The following C9orf40 variants were observed in gnomAD, a reference collection of about 807,000 sequenced individuals.
C9orf40 encodes uncharacterized protein C9orf40.
In C9orf40, 2 loss-of-function variants were observed where a neutral mutation model predicts 7.9. The observed-to-expected ratio is 0.25, with a 90% CI of 0.10 to 0.80. The LOEUF (loss-of-function observed/expected upper bound fraction) is 0.80. Ranked by LOEUF, C9orf40 falls within the 30% of genes least tolerant of loss-of-function variation. C9orf40 has a pLI of 0.68. For synonymous variants in C9orf40, 113 were observed against 117.6 expected, an observed-to-expected ratio of 0.96 and a Z score of 0.25; for missense variants, 256 against 268.5, an observed-to-expected ratio of 0.95 and a Z score of 0.33.
rs1425326156 is a variant in C9orf40, at chr9:74,952,404, G to A, written c.208C>T (p.Pro70Ser). 1.9e-6 allele frequency: 3 copies of A among 1,584,628 alleles called. No homozygotes were observed. The highest frequency in any genetic ancestry group is 1.8e-4 in the Middle Eastern group (1 of 5,644). Residue 70 changes from proline to serine, a missense_variant, in exon 1 of 2, where the codon CCC becomes TCC. Coordinates refer to ENST00000376854, the MANE Select transcript of C9orf40 (RefSeq NM_017998.3). The surrounding 1 kb of genome is among the most constrained non-coding windows in gnomAD (Gnocchi z 5.4). ...TCCCCGCTGTCACGGCGCTTGCTGGGCGAAGCCGAGGGCTCTGCCATGGTC... is the reference window on the plus strand; with the variant it reads ...TCCCCGCTGTCACGGCGCTTGCTGGACGAAGCCGAGGGCTCTGCCATGGTC... ...AGTMAEPSAS[P>S]SKRRDSGDNS...
intron 1 of C9orf40, among the ~76,000 whole-genome samples, chr9:74,950,011 G>A (rs1003718573): frequency 8.5e-5 from 13 of 152,248 alleles, no homozygotes; most frequent in South Asian, 2.1e-4. Flanking sequence ...GTCCAGCGTG[G>A]TGGTGTGCAC....
In C9orf40 at chr9:74,952,166, C is replaced by CCCCCCCCCCCCCCCCCCA; in HGVS notation, c.426+19_426+20insTGGGGGGGGGGGGGGGGG. 2.0e-5 allele frequency: 9 copies of CCCCCCCCCCCCCCCCCCA among 443,134 alleles called. No individual in the cohort carries two copies. The highest frequency in any genetic ancestry group is 4.1e-5 in the East Asian group (1 of 24,242). The allele number at this position is 443,134 out of a possible 1,614,324, so 27.5% of individuals were successfully genotyped here. On this transcript the variant is annotated intron_variant, in intron 1 of 1. Transcript: ENST00000376854. This position sits in a 1 kb window ranked among gnomAD's most constrained non-coding sequence, Gnocchi z 5.4. ...AGGCAAGCCCCTTCGCCCCTCAGCC[C>CCCCCCCCCCCCCCCCCCA]ACCCGCCCCCAGCCCCTACCTGGCG...
In C9orf40 at chr9:74,952,344, G is replaced by A. The variant is rs757281613; in HGVS notation, c.268C>T (p.His90Tyr). 2.6e-6 allele frequency: 4 copies of A among 1,521,416 alleles called. No homozygotes were observed. In the South Asian group the frequency reaches 4.9e-5, roughly 19 times the overall value. The allele number at this position is 1,521,416 out of a possible 1,614,324, so 94.2% of individuals were successfully genotyped here. Reference sequence around the variant, plus strand: ...GGCGGATCGCCTGTCTCCAGACCGTGGTCCTCACGCTCCTGGCCGCTCGGG... The same window carrying A: ...GGCGGATCGCCTGTCTCCAGACCGTAGTCCTCACGCTCCTGGCCGCTCGGG... ...SAPSGQERED[H>Y]GLETGDPPLP... is the part of the protein sequence containing the mutation. Residue 90 changes from histidine to tyrosine, a missense_variant, in exon 1 of 2, where the codon CAC becomes TAC. Coordinates refer to ENST00000376854, the MANE Select transcript of C9orf40 (RefSeq NM_017998.3). The surrounding 1 kb of genome is among the most constrained non-coding windows in gnomAD (Gnocchi z 5.4).
At position 74,952,484 on chromosome 9, in the gene C9orf40, G is replaced by A; in HGVS notation, c.128C>T (p.Ala43Val). 6.3e-7 allele frequency: 1 copy of A among 1,597,362 alleles called. No homozygotes were observed. Among genetic ancestry groups the A allele is most frequent in the East Asian group, 2.2e-5 (1 of 44,630 alleles). ...LWIRPPGVAHAGQLLGVPEQH... is the reference protein window; with the variant it reads ...LWIRPPGVAHVGQLLGVPEQH... ...CTCTGGGACGCCGAGGAGCTGCCCA[G>A]CATGCGCGACCCCGGGCGGCCGGAT... Residue 43 changes from alanine to valine, a missense_variant, in exon 1 of 2, where the codon GCT (alanine) becomes GTT (valine). By Grantham distance (64) the Ala-to-Val change is moderately conservative. Coordinates refer to ENST00000376854, the MANE Select transcript of C9orf40 (RefSeq NM_017998.3). The surrounding 1 kb of genome is among the most constrained non-coding windows in gnomAD (Gnocchi z 5.4).
At position 74,952,714 on chromosome 9, in the gene C9orf40, C is replaced by G; in HGVS notation, c.-103G>C. The G allele has an allele frequency of 8.9e-7, 1 of 1,121,420 alleles. No homozygotes were observed. Among genetic ancestry groups the G allele is most frequent in the Non-Finnish European group, 1.2e-6 (1 of 814,850 alleles). The allele number at this position is 1,121,420 out of a possible 1,614,324, so 69.5% of individuals were successfully genotyped here. A position where few individuals can be genotyped will look rare whatever the true frequency, so the allele number is the denominator to read the frequency against. On this transcript the variant is annotated 5_prime_UTR_variant, in exon 1 of 2. Coordinates refer to ENST00000376854, the MANE Select transcript of C9orf40 (RefSeq NM_017998.3). This position sits in a 1 kb window ranked among gnomAD's most constrained non-coding sequence, Gnocchi z 5.4. ...CTGAGCGCGTGAGAGAGGGACAGGC[C>G]GAAGTCGGGCGAGGAGGCGACAGGA...
In C9orf40 at chr9:74,952,835, G is replaced by C. The variant is rs945817629; in HGVS notation, c.-224C>G. The C allele has an allele frequency of 2.0e-6, 1 of 490,100 alleles. No homozygotes were observed. The highest frequency in any genetic ancestry group is 3.6e-6 in the Non-Finnish European group (1 of 279,816). The allele number at this position is 490,100 out of a possible 1,614,324, so 30.4% of individuals were successfully genotyped here. A position where few individuals can be genotyped will look rare whatever the true frequency, so the allele number is the denominator to read the frequency against. ...CGCGCTCAGCCCTCGCCGCCGCCGA[G>C]ATGCGGCCCGGACGTTGAGAAGCAA... On this transcript the variant is annotated 5_prime_UTR_variant, in exon 1 of 2. It adds an upstream start codon to the 5' untranslated region. Coordinates refer to ENST00000376854, the MANE Select transcript of C9orf40 (RefSeq NM_017998.3). This position sits in a 1 kb window ranked among gnomAD's most constrained non-coding sequence, Gnocchi z 5.4.
At chr9:74,950,673 A>G (rs1331513966) in intron 1 of C9orf40, among the ~76,000 whole-genome samples, 1 of 152,180 alleles carries the variant, frequency 6.6e-6, no homozygotes, top group Non-Finnish European at 1.5e-5. Context: ...GTCATGCCTA[A>G]GAAATTTCAT....
chr9:74,948,069 A>C lies in C9orf40; in HGVS notation c.564T>G (p.Ala188=). The change falls in exon 2 of 2, where the codon GCT becomes GCG. Residue 188 remains alanine, a synonymous_variant. Coordinates refer to ENST00000376854, the MANE Select transcript of C9orf40 (RefSeq NM_017998.3). Reference sequence around the variant, plus strand: ...TACATCAGGACTCCATGTCAACCTCAGCCCCTTCATTCCTGCCCTGAAGTG... The same window carrying C: ...TACATCAGGACTCCATGTCAACCTCCGCCCCTTCATTCCTGCCCTGAAGTG... The part of the protein sequence containing the change: ...EATLQGRNEG[A]EVDMES 1 of 1,613,970 alleles carries C rather than the reference A, an allele frequency of 6.2e-7. No individual in the cohort carries two copies. Among genetic ancestry groups the C allele is most frequent in the South Asian group, 1.1e-5 (1 of 91,072 alleles).
intron 1 of C9orf40, among the ~76,000 whole-genome samples, chr9:74,950,077 T>C (rs1355964863): frequency 2.6e-5 from 4 of 152,112 alleles, no homozygotes; most frequent in Non-Finnish European, 5.9e-5. Flanking sequence ...ATGGTGCCAC[T>C]GCACTCCAGC....
At position 74,948,022 on chromosome 9, in the gene C9orf40, C is replaced by T. The variant is rs753353619; in HGVS notation, c.*26G>A. The stretch of plus-strand genomic sequence containing the variant: ...CTTAGAGACATCTCCTCAAATCAGC[C>T]AATCCCACTGCTTCGGCTCCTTACA... On this transcript the variant is annotated 3_prime_UTR_variant, in exon 2 of 2. Transcript: ENST00000376854. 9 of 1,598,972 alleles carry T rather than the reference C, an allele frequency of 5.6e-6. No individual in the cohort carries two copies. Among genetic ancestry groups the T allele is most frequent in the Non-Finnish European group, 7.7e-6 (9 of 1,172,692 alleles).
At chr9:74,951,126 T>C (rs1416205187) in intron 1 of C9orf40, among the ~76,000 whole-genome samples, 2 of 152,158 alleles carry the variant, frequency 1.3e-5, no homozygotes, top group Non-Finnish European at 2.9e-5. Flanking sequence ...CAAGTGTTCT[T>C]ACCGGCTAGC....
At chr9:74,948,887 AACAC>A (rs1244590677) in intron 1 of C9orf40, among the ~76,000 whole-genome samples, 4 of 152,190 alleles carry the variant, frequency 2.6e-5, no homozygotes, top group African/African-American at 9.7e-5. Flanking sequence ...TATTGGGATA[AACAC>A]ACAATAAGTC....
chr9:74,952,511 CAG>C lies in C9orf40; in HGVS notation c.99_100del (p.Trp34AspfsTer41). The C allele has an allele frequency of 1.9e-6, 3 of 1,593,344 alleles. No individual in the cohort carries two copies. Among genetic ancestry groups the C allele is most frequent in the Non-Finnish European group, 2.5e-6 (3 of 1,177,686 alleles). On this transcript the variant is annotated frameshift_variant, in exon 1 of 2. Coordinates refer to ENST00000376854, the MANE Select transcript of C9orf40 (RefSeq NM_017998.3). LOFTEE classifies it high-confidence loss of function. This position sits in a 1 kb window ranked among gnomAD's most constrained non-coding sequence, Gnocchi z 5.4. ...ATGCGCGACCCCGGGCGGCCGGATC[CAG>C]AGAGGCGGTGGCGGCGGCTGCTCAG...
rs1832310090 is a variant in C9orf40 at position 74,952,247 on chromosome 9, C to T, written c.365G>A (p.Gly122Asp). The T allele has an allele frequency of 7.9e-7, 1 of 1,263,122 alleles. No individual in the cohort carries two copies. The highest frequency in any genetic ancestry group is 9.9e-7 in the Non-Finnish European group (1 of 1,008,394). 78.2% of individuals were successfully genotyped at this position (1,263,122 alleles called of 1,614,324 possible). The change falls in exon 1 of 2, where the codon GGC (glycine) becomes GAC (aspartate). Residue 122 changes from glycine (G) to aspartate (D), a missense_variant. By Grantham distance (94) the Gly-to-Asp change is moderately conservative. Transcript: ENST00000376854. The surrounding 1 kb of genome is among the most constrained non-coding windows in gnomAD (Gnocchi z 5.4). ...TCCTGCGCGCCCCGCCCCGTCGTCG[C>T]CACCGCCCCCCGGGAGCCGGGCGCC... ...LPGARLPGGG[G>D]DDGAGRAGPP...
chr9:74,952,402 G>T lies in C9orf40; in HGVS notation c.210C>A (p.Pro70=). 1.3e-6 allele frequency: 2 copies of T among 1,583,916 alleles called. No homozygotes were observed. The stretch of plus-strand genomic sequence containing the variant: ...TGTCCCCGCTGTCACGGCGCTTGCT[G>T]GGCGAAGCCGAGGGCTCTGCCATGG... ...AGTMAEPSAS[P]SKRRDSGDNS... is the part of the protein sequence containing the mutation. Residue 70 remains proline, a synonymous_variant, in exon 1 of 2, where the codon CCC becomes CCA. Coordinates refer to ENST00000376854, the MANE Select transcript of C9orf40 (RefSeq NM_017998.3). The surrounding 1 kb of genome is among the most constrained non-coding windows in gnomAD (Gnocchi z 5.4).
At position 74,952,821 on chromosome 9, in the gene C9orf40, CTCGCCGCCGCCGAGA is replaced by C; in HGVS notation, c.-225_-211del. 1 of 499,520 alleles carries C rather than the reference CTCGCCGCCGCCGAGA, an allele frequency of 2.0e-6. No homozygotes were observed. Among genetic ancestry groups the C allele is most frequent in the South Asian group, 3.0e-5 (1 of 32,890 alleles). The allele number at this position is 499,520 out of a possible 1,614,324, so 30.9% of individuals were successfully genotyped here. The stretch of plus-strand genomic sequence containing the variant: ...TCGGAGGCAGCTCCCGCGCTCAGCC[CTCGCCGCCGCCGAGA>C]TGCGGCCCGGACGTTGAGAAGCAAC... On this transcript the variant is annotated 5_prime_UTR_variant, in exon 1 of 2. Coordinates refer to ENST00000376854, the MANE Select transcript of C9orf40 (RefSeq NM_017998.3). This position sits in a 1 kb window ranked among gnomAD's most constrained non-coding sequence, Gnocchi z 5.4.
At position 74,948,285 on chromosome 9, in the gene C9orf40, TAAAGGCA is replaced by T. The variant is rs528361871; in HGVS notation, c.427-86_427-80del. 11 of 977,962 alleles carry T rather than the reference TAAAGGCA, an allele frequency of 1.1e-5. No homozygotes were observed. In the South Asian group the frequency reaches 2.0e-4, roughly 17 times the overall value. 60.6% of individuals were successfully genotyped at this position (977,962 alleles called of 1,614,324 possible). A position where few individuals can be genotyped will look rare whatever the true frequency, so the allele number is the denominator to read the frequency against. On this transcript the variant is annotated intron_variant, in intron 1 of 1. Transcript: ENST00000376854. ...TTTTTTTCAGAAAACAAATTTGTTT[TAAAGGCA>T]AACTCATATAAGATTTTGTAATCTT...
At chr9:74,950,965 ATTAATT>A (rs1448235191) in intron 1 of C9orf40, among the ~76,000 whole-genome samples, 1 of 152,246 alleles carries the variant, frequency 6.6e-6, no homozygotes. Context: ...AACTTCTGGT[ATTAATT>A]TTAATATATT....
rs374115209 is a variant in C9orf40, at chr9:74,952,001, T to C, written c.426+185A>G. ...CCCCCTCGCCCAGCCCAGTGCTTTC[T>C]GCCCATCGGACTCTCGGGGTGTGCT... On this transcript the variant is annotated intron_variant, in intron 1 of 1. Transcript: ENST00000376854. This position sits in a 1 kb window ranked among gnomAD's most constrained non-coding sequence, Gnocchi z 5.4. 6.6e-5 allele frequency among the ~76,000 whole-genome samples: 10 copies of C among 152,340 alleles called. No individual in the cohort carries two copies. The East Asian group carries it at 7.7e-4, about 12-fold the overall frequency.
Sources: allele counts gnomAD v4.1 joint callset (sites outside exome capture counted in the v4.1 genomes callset), GRCh38; gene constraint gnomAD v4.1.1; non-coding constraint Gnocchi (gnomAD v3.1); transcripts MANE v1.5; gene names NCBI Gene and HGNC (gene_info 2026-07-23, HGNC 2026-07-21).